Variants in OTUD7A observed in about 807,000 individuals in gnomAD.
OTUD7A encodes OTU domain-containing protein 7A.
Under a neutral mutation model 65.7 loss-of-function variants are expected in OTUD7A, and 12 were observed. That is an observed-to-expected ratio of 0.18 (90% CI 0.12 to 0.30). The LOEUF is 0.30. OTUD7A is among the 10% of genes least tolerant of loss of function. The probability of loss-of-function intolerance (pLI) is 1.00; values close to 1 mark genes in which losing one functional copy is unlikely to be tolerated. For missense variants in OTUD7A, 1,148 were observed against 1,304.8 expected, an observed-to-expected ratio of 0.88 and a Z score of 1.85; for synonymous variants, 641 against 586.3, an observed-to-expected ratio of 1.09 and a Z score of -1.35.
chr15:31,780,583 A>C (rs1017552067), intron 1 of OTUD7A, among the ~76,000 whole-genome samples: 1 of 152,226 alleles, frequency 6.6e-6, no homozygotes, highest in African/African-American at 2.4e-5. Context: ...CCTGGGAAAG[A>C]CACTAACGAG....
chr15:31,795,249 C>T (rs1467213828), intron 1 of OTUD7A, among the ~76,000 whole-genome samples: 1 of 152,166 alleles, frequency 6.6e-6, no homozygotes, highest in Non-Finnish European at 1.5e-5. Flanking sequence ...GGCCTCTCTC[C>T]CAGTCAGTGG....
At chr15:31,485,363 G>A (rs1186871733) in intron 12 of OTUD7A, among the ~76,000 whole-genome samples, 1 of 152,216 alleles carries the variant, frequency 6.6e-6, no homozygotes, top group Non-Finnish European at 1.5e-5. Flanking sequence ...AATCGCTTCA[G>A]GAGTTCCTTT....
At chr15:31,680,604 A>AGGACACTC (rs1892690412) in intron 1 of OTUD7A, among the ~76,000 whole-genome samples, 1 of 152,166 alleles carries the variant, frequency 6.6e-6, no homozygotes, top group African/African-American at 2.4e-5. Flanking sequence ...GGGAAGGAGC[A>AGGACACTC]GGACACTCAT....
intron 1 of OTUD7A, among the ~76,000 whole-genome samples, chr15:31,748,453 C>CAT (rs903467198): frequency 3.7e-4 from 56 of 150,470 alleles, no homozygotes; most frequent in African/African-American, 1.3e-3. Context: ...TATGACATAC[C>CAT]ATATATATAA....
intron 10 of OTUD7A, among the ~76,000 whole-genome samples, chr15:31,494,158 G>T (rs2041353827): frequency 6.6e-6 from 1 of 152,232 alleles, no homozygotes; most frequent in Non-Finnish European, 1.5e-5. Context: ...GCTTGCTATT[G>T]ACTGAATATT....
At chr15:31,492,626 T>C (rs374979214) in intron 10 of OTUD7A, among the ~76,000 whole-genome samples, 91 of 151,322 alleles carry the variant, frequency 6.0e-4, no homozygotes, top group African/African-American at 2.1e-3. Flanking sequence ...AAGATGTTTA[T>C]TGCAAACCCT....
intron 1 of OTUD7A, among the ~76,000 whole-genome samples, chr15:31,729,114 T>C (rs913235248): frequency 2.0e-5 from 3 of 152,242 alleles, no homozygotes; most frequent in Non-Finnish European, 2.9e-5. Context: ...AATCTCTTAC[T>C]ATACCTAATT....
chr15:31,722,150 G>A (rs1231225230), intron 1 of OTUD7A, among the ~76,000 whole-genome samples: 10 of 152,218 alleles, frequency 6.6e-5, no homozygotes, highest in Non-Finnish European at 1.2e-4. Flanking sequence ...CATAGGGAGT[G>A]AAGGGCCCCC....
chr15:31,595,431 A>G (rs1237102861), intron 3 of OTUD7A, among the ~76,000 whole-genome samples: 7 of 152,216 alleles, frequency 4.6e-5, no homozygotes, highest in Non-Finnish European at 1.0e-4. Context: ...TAATTTGTAC[A>G]TGGTAGAATG....
rs141544744 is a variant in OTUD7A, at chr15:31,626,764, C to G, written c.151+28332G>C. Among the ~76,000 whole-genome samples, 875 of 152,086 alleles carry G rather than the reference C, an allele frequency of 5.8e-3. 10 individuals are homozygous for G. The highest frequency in any genetic ancestry group is 0.02 in the African/African-American group (841 of 41,496). On this transcript the variant is annotated intron_variant, in intron 3 of 12. Coordinates refer to ENST00000307050, the MANE Select transcript of OTUD7A (RefSeq NM_001382637.1). ...TTAATTTTTGTATTTTTAGTAAAGA[C>G]AGGGTTGTACTATATTGCCCAGGCT...
rs115438596 is a variant in OTUD7A, at chr15:31,862,746, A to G, written c.-100+7761T>C. 2.4e-3 allele frequency among the ~76,000 whole-genome samples: 361 copies of G among 152,274 alleles called. 3 individuals are homozygous for G. Among genetic ancestry groups the G allele is most frequent in the African/African-American group, 8.2e-3 (339 of 41,538 alleles). On this transcript the variant is annotated intron_variant, in intron 1 of 12. Coordinates refer to ENST00000307050, the MANE Select transcript of OTUD7A (RefSeq NM_001382637.1). Reference sequence around the variant, plus strand: ...ATTTGGGTGAGGACACAGCCAAACCATATCATTACGCCCCTGGCCCCTCCA... The same window carrying G: ...ATTTGGGTGAGGACACAGCCAAACCGTATCATTACGCCCCTGGCCCCTCCA...
intron 1 of OTUD7A, among the ~76,000 whole-genome samples, chr15:31,677,019 T>C (rs1892609480): frequency 6.6e-6 from 1 of 152,264 alleles, no homozygotes; most frequent in Admixed American, 6.5e-5. Flanking sequence ...CTAGGTCACA[T>C]TTCTTGGCCT....
intron 3 of OTUD7A, among the ~76,000 whole-genome samples, chr15:31,604,661 A>C (rs1413577237): frequency 6.6e-6 from 1 of 152,262 alleles, no homozygotes; most frequent in Non-Finnish European, 1.5e-5. Flanking sequence ...AATAGCTGCT[A>C]GAGCAGTGCC....
At chr15:31,826,932 C>A (rs1896810835) in intron 1 of OTUD7A, among the ~76,000 whole-genome samples, 1 of 152,204 alleles carries the variant, frequency 6.6e-6, no homozygotes. Flanking sequence ...GAGACAACCT[C>A]AGCCTGGACC....
rs529519061 is a variant in OTUD7A, at chr15:31,675,372, A to G, written c.-99-18295T>C. Among the ~76,000 whole-genome samples the G allele has an allele frequency of 7.9e-5, 12 of 152,310 alleles. No homozygotes were observed. In the South Asian group the frequency reaches 2.3e-3, roughly 29 times the overall value. ...GAATTCTCCTCTTGTTAAATCTGCC[A>G]TAATGTCTCCTCTCTGTTACTAACA... On this transcript the variant is annotated intron_variant, in intron 1 of 12. Coordinates refer to ENST00000307050, the MANE Select transcript of OTUD7A (RefSeq NM_001382637.1).
chr15:31,870,556 C>A lies in OTUD7A; in HGVS notation c.-149G>T. On this transcript the variant is annotated 5_prime_UTR_variant, in exon 1 of 13. Coordinates refer to ENST00000307050, the MANE Select transcript of OTUD7A (RefSeq NM_001382637.1). ...CGCCAGCCCGCAGCGCCGCAGTCGC[C>A]GCTACCCGACTTCCATTTTCTCTCG... 1 of 148,442 alleles carries A rather than the reference C, an allele frequency of 6.7e-6. No homozygotes were observed. The highest frequency in any genetic ancestry group is 1.9e-4 in the South Asian group (1 of 5,218). The allele number at this position is 148,442 out of a possible 1,614,324, so 9.2% of individuals were successfully genotyped here.
rs1158876804 is a variant in OTUD7A, at chr15:31,482,576, T to C, written c.*718A>G. ...TCCTGTCACCTGAACTGCCCGGCAC[T>C]GGGAGCCATCGCTGTACCTCACGGC... On this transcript the variant is annotated 3_prime_UTR_variant, in exon 13 of 13. Transcript: ENST00000307050. The C allele has an allele frequency of 2.0e-5, 3 of 152,284 alleles. No individual in the cohort carries two copies. The highest frequency in any genetic ancestry group is 4.4e-5 in the Non-Finnish European group (3 of 68,060). 9.4% of individuals were successfully genotyped at this position (152,284 alleles called of 1,614,324 possible). A position where few individuals can be genotyped will look rare whatever the true frequency, so the allele number is the denominator to read the frequency against.
chr15:31,700,116 G>A (rs1480578957), intron 1 of OTUD7A, among the ~76,000 whole-genome samples: 4 of 151,836 alleles, frequency 2.6e-5, no homozygotes, highest in Non-Finnish European at 5.9e-5. Context: ...CAGTGGTCAT[G>A]CTGCCACTGT....
chr15:31,790,528 G>T (rs184987085), intron 1 of OTUD7A, among the ~76,000 whole-genome samples: 1 of 152,188 alleles, frequency 6.6e-6, no homozygotes, highest in East Asian at 1.9e-4. Flanking sequence ...AAGAGAAAGA[G>T]ATTAAATAGA....
Sources: allele counts gnomAD v4.1 joint callset (sites outside exome capture counted in the v4.1 genomes callset), GRCh38; gene constraint gnomAD v4.1.1; transcripts MANE v1.5; gene names NCBI Gene and HGNC (gene_info 2026-07-23, HGNC 2026-07-21).